Variants in PDE11A observed in about 807,000 individuals in gnomAD.
The protein encoded by PDE11A is phosphodiesterase 11A.
In PDE11A, 100 loss-of-function variants were observed where a neutral mutation model predicts 100.5. The observed-to-expected ratio is 1.00, with a 90% CI of 0.85 to 1.18. The LOEUF is 1.18. PDE11A is among the 50% of genes most tolerant of loss of function. The probability of loss-of-function intolerance (pLI) is 0.00; values close to 1 mark genes in which losing one functional copy is unlikely to be tolerated. For missense variants in PDE11A, 1,141 were observed against 1,152.6 expected, an observed-to-expected ratio of 0.99 and a Z score of 0.15; for synonymous variants, 381 against 420.8, an observed-to-expected ratio of 0.91 and a Z score of 1.16.
chr2:177,724,132 C>A (rs986867924), intron 12 of PDE11A, among the ~76,000 whole-genome samples: 24 of 152,114 alleles, frequency 1.6e-4, no homozygotes, highest in Admixed American at 7.9e-4. Flanking sequence ...CAGAGGAATT[C>A]AAAGTATTTG....
At chr2:177,853,824 ATG>A (rs1367299138) in intron 5 of PDE11A, among the ~76,000 whole-genome samples, 7 of 143,288 alleles carry the variant, frequency 4.9e-5, no homozygotes, top group South Asian at 4.3e-4. Context: ...ATGTATATAT[ATG>A]TGTGTATATA....
chr2:178,038,422 T>TA (rs904556907), intron 1 of PDE11A, among the ~76,000 whole-genome samples: 52 of 149,704 alleles, frequency 3.5e-4, no homozygotes, highest in Admixed American at 2.2e-3. Context: ...TCCACATTAT[T>TA]AAAAAAAAAG....
chr2:177,804,670 C>T (rs969154103), intron 9 of PDE11A, among the ~76,000 whole-genome samples: 2 of 151,106 alleles, frequency 1.3e-5, no homozygotes, highest in Non-Finnish European at 3.0e-5. Flanking sequence ...ATGGAATCAA[C>T]ATAAATGTCC....
upstream of PDE11A, among the ~76,000 whole-genome samples, chr2:178,074,777 AC>A (rs1168601179): frequency 6.6e-6 from 1 of 152,116 alleles, no homozygotes; most frequent in Non-Finnish European, 1.5e-5. Context: ...AATCCGAAAA[AC>A]TGAATGCAAC....
intron 10 of PDE11A, among the ~76,000 whole-genome samples, chr2:177,755,313 A>G (rs2082076542): frequency 6.6e-6 from 1 of 152,214 alleles, no homozygotes; most frequent in Non-Finnish European, 1.5e-5. Flanking sequence ...CAATAATGCT[A>G]TATAGCCAAC....
At chr2:177,670,403 C>T (rs2080660078) in intron 17 of PDE11A, among the ~76,000 whole-genome samples, 1 of 152,004 alleles carries the variant, frequency 6.6e-6, no homozygotes, top group African/African-American at 2.4e-5. Context: ...CTTTTCCACA[C>T]CTTCACTTCT....
At chr2:177,833,766 G>C (rs1196155950) in intron 6 of PDE11A, among the ~76,000 whole-genome samples, 1 of 152,198 alleles carries the variant, frequency 6.6e-6, no homozygotes, top group South Asian at 2.1e-4. Flanking sequence ...CTGAGCTATT[G>C]AGAAATTTAG....
intron 10 of PDE11A, among the ~76,000 whole-genome samples, chr2:177,762,858 G>A (rs965258158): frequency 1.3e-5 from 2 of 152,112 alleles, no homozygotes; most frequent in Non-Finnish European, 2.9e-5. Context: ...ATGTATTTTG[G>A]TCAGGCGGGT....
At chr2:178,069,278 G>A (rs1220540722) in intron 1 of PDE11A, among the ~76,000 whole-genome samples, 1 of 152,088 alleles carries the variant, frequency 6.6e-6, no homozygotes, top group East Asian at 1.9e-4. Context: ...GGCTGTGAGA[G>A]ATTAAGAAAT....
At chr2:177,843,328 G>A (rs557707897) in intron 5 of PDE11A, among the ~76,000 whole-genome samples, 9 of 152,272 alleles carry the variant, frequency 5.9e-5, no homozygotes, top group Non-Finnish European at 1.2e-4. Flanking sequence ...AATGGATAGC[G>A]TTATAGCAAG....
At chr2:177,815,174 C>A (rs1369532810) in intron 9 of PDE11A, among the ~76,000 whole-genome samples, 1 of 152,164 alleles carries the variant, frequency 6.6e-6, no homozygotes, top group Non-Finnish European at 1.5e-5. Flanking sequence ...TCAACATTTG[C>A]TGTTCTAAAT....
intron 1 of PDE11A, among the ~76,000 whole-genome samples, chr2:178,060,832 T>C (rs1391064945): frequency 6.6e-6 from 1 of 152,080 alleles, no homozygotes; most frequent in African/African-American, 2.4e-5. Flanking sequence ...TTATTATTAT[T>C]ATAGATAATA....
At chr2:177,744,700 A>G (rs1182429101) in intron 10 of PDE11A, among the ~76,000 whole-genome samples, 1 of 152,138 alleles carries the variant, frequency 6.6e-6, no homozygotes, top group African/African-American at 2.4e-5. Flanking sequence ...TTGCCATGTG[A>G]CCCAGGGCCT....
intron 4 of PDE11A, among the ~76,000 whole-genome samples, chr2:177,880,044 C>T (rs1300416788): frequency 6.6e-6 from 1 of 152,120 alleles, no homozygotes. Flanking sequence ...TAGCTGTGTC[C>T]TCCAGTAAAA....
intron 17 of PDE11A, among the ~76,000 whole-genome samples, chr2:177,674,320 C>T (rs1307779611): frequency 6.6e-6 from 1 of 152,216 alleles, no homozygotes; most frequent in East Asian, 1.9e-4. Flanking sequence ...TGTATTCTGT[C>T]ATAGTTCTGG....
chr2:178,041,300 G>A (rs1292254925), intron 1 of PDE11A, among the ~76,000 whole-genome samples: 2 of 149,586 alleles, frequency 1.3e-5, no homozygotes, highest in Non-Finnish European at 3.0e-5. Context: ...CTGGAGTGCA[G>A]TGGCACAGTC....
chr2:177,984,523 T>C (rs1173436118), intron 2 of PDE11A, among the ~76,000 whole-genome samples: 1 of 152,202 alleles, frequency 6.6e-6, no homozygotes, highest in Non-Finnish European at 1.5e-5. Context: ...TTGCACCTAA[T>C]TGTATGTTTC....
chr2:177,768,111 T>C (rs77195785), intron 10 of PDE11A, among the ~76,000 whole-genome samples: 3,708 of 152,328 alleles, frequency 0.024, 69 homozygotes, highest in Middle Eastern at 0.048. Flanking sequence ...GCAGTTCCTA[T>C]GCTTGCAGTG....
intron 6 of PDE11A, among the ~76,000 whole-genome samples, chr2:177,830,846 A>T (rs2083297847): frequency 6.6e-6 from 1 of 151,884 alleles, no homozygotes; most frequent in African/African-American, 2.4e-5. Context: ...ACTATAAATA[A>T]ATATAATATT....
Sources: allele counts gnomAD v4.1 joint callset (sites outside exome capture counted in the v4.1 genomes callset), GRCh38; gene constraint gnomAD v4.1.1; transcripts MANE v1.5; gene names NCBI Gene and HGNC (gene_info 2026-07-23, HGNC 2026-07-21).